Variants in CACNA1C observed in about 807,000 individuals in gnomAD.
CACNA1C encodes voltage-dependent L-type calcium channel subunit alpha-1C.
A neutral mutation model predicts 229.0 loss-of-function variants in CACNA1C; 30 were observed. The observed-to-expected ratio is 0.13, with a 90% CI of 0.10 to 0.18. CACNA1C has a LOEUF of 0.18. CACNA1C is among the 10% of genes least tolerant of loss of function. The pLI, the probability that CACNA1C is intolerant of heterozygous loss-of-function variation, is 1.00. For missense variants in CACNA1C, 1,658 were observed against 2,845.0 expected, an observed-to-expected ratio of 0.58 and a Z score of 9.49; for synonymous variants, 1,114 against 1,132.5, an observed-to-expected ratio of 0.98 and a Z score of 0.33.
chr12:2,263,686 A>G lies in CACNA1C; in HGVS notation c.477+143256A>G, dbSNP rs1353399193. ...AGAAGTACACCAGAAATGATCTGCTAACAGACCGGACATGAGGTATGAACA... is the reference window on the plus strand; with the variant it reads ...AGAAGTACACCAGAAATGATCTGCTGACAGACCGGACATGAGGTATGAACA... On this transcript the variant is annotated intron_variant, in intron 3 of 46. Transcript: ENST00000399655. 4.6e-5 allele frequency among the ~76,000 whole-genome samples: 7 copies of G among 152,040 alleles called. No homozygotes were observed. In the East Asian group the frequency reaches 1.2e-3, roughly 25 times the overall value.
chr12:2,064,224 G>C (rs1001987529), intron 1 of CACNA1C, among the ~76,000 whole-genome samples: 6 of 152,220 alleles, frequency 3.9e-5, no homozygotes, highest in African/African-American at 1.4e-4. Context: ...CCTCGTTGCT[G>C]ACCTGGCTTC....
At chr12:2,321,041 C>T (rs114176186) in intron 3 of CACNA1C, among the ~76,000 whole-genome samples, 5 of 152,334 alleles carry the variant, frequency 3.3e-5, no homozygotes, top group African/African-American at 1.2e-4. Flanking sequence ...CCTATAATCA[C>T]GTATTTACAG....
chr12:2,392,704 G>C lies in CACNA1C; in HGVS notation c.478-56272G>C, dbSNP rs2370514. The stretch of plus-strand genomic sequence containing the variant: ...TGCATACAGCGGGACCTGAACTTGG[G>C]CTGGAGGAATGTTGCTGATGCCCAG... On this transcript the variant is annotated intron_variant, in intron 3 of 46. Coordinates refer to ENST00000399655, the MANE Select transcript of CACNA1C (RefSeq NM_000719.7). Among the ~76,000 whole-genome samples the C allele has an allele frequency of 8.4e-3, 1,275 of 152,330 alleles. 35 individuals are homozygous for C. The highest frequency in any genetic ancestry group is 0.053 in the Admixed American group (812 of 15,302).
chr12:2,512,393 ACTACCACT>A lies in CACNA1C; in HGVS notation c.1218-417_1218-410del, dbSNP rs1218111770. On this transcript the variant is annotated intron_variant, in intron 8 of 46. Coordinates refer to ENST00000399655, the MANE Select transcript of CACNA1C (RefSeq NM_000719.7). The surrounding 1 kb of genome is among the most constrained non-coding windows in gnomAD (Gnocchi z 4.3). Reference sequence around the variant, plus strand: ...CTGGAGACCCTTGGGAGAATTTTAAACTACCACTCAATACTGGGTGGGATGGAAATGCA... The same window carrying A: ...CTGGAGACCCTTGGGAGAATTTTAAACAATACTGGGTGGGATGGAAATGCA... Among the ~76,000 whole-genome samples, 1 of 152,154 alleles carries A rather than the reference ACTACCACT, an allele frequency of 6.6e-6. No homozygotes were observed. The highest frequency in any genetic ancestry group is 1.5e-5 in the Non-Finnish European group (1 of 68,030).
At chr12:2,116,413 C>T (rs2083888175) in intron 2 of CACNA1C, among the ~76,000 whole-genome samples, 1 of 151,452 alleles carries the variant, frequency 6.6e-6, no homozygotes, top group Admixed American at 6.6e-5. Context: ...GCTCTGTCAC[C>T]CAGGCTGGAG....
rs1283009077 is a variant in CACNA1C at position 2,602,739 on chromosome 12, C to G, written c.2960+779C>G. ...TCTAAGAGCTTTCCAGGTGACTCCC[C>G]TGTACAGCCAAGCTTGCAGTCCTCG... On this transcript the variant is annotated intron_variant, in intron 22 of 46. Transcript: ENST00000399655. The surrounding 1 kb of genome is among the most constrained non-coding windows in gnomAD (Gnocchi z 4.4). 6.6e-6 allele frequency among the ~76,000 whole-genome samples: 1 copy of G among 151,766 alleles called. No individual in the cohort carries two copies. Among genetic ancestry groups the G allele is most frequent in the Non-Finnish European group, 1.5e-5 (1 of 67,994 alleles).
rs938040825 is a variant in CACNA1C at position 2,693,313 on chromosome 12, T to C, written c.*2114T>C. 6 of 152,216 alleles carry C rather than the reference T, an allele frequency of 3.9e-5. No individual in the cohort carries two copies. Among genetic ancestry groups the C allele is most frequent in the African/African-American group, 1.4e-4 (6 of 41,438 alleles). The allele number at this position is 152,216 out of a possible 1,614,324, so 9.4% of individuals were successfully genotyped here. On this transcript the variant is annotated 3_prime_UTR_variant, in exon 47 of 47. Coordinates refer to ENST00000399655, the MANE Select transcript of CACNA1C (RefSeq NM_000719.7). ...ACTGGGCCGTCATCCGCATCCCCCA[T>C]GGAAGAGGTAGCTGGCTTTCCCTTC...
rs2091156154 is a variant in CACNA1C at position 2,632,889 on chromosome 12, G to C, written c.3829-1408G>C. Among the ~76,000 whole-genome samples, 1 of 152,198 alleles carries C rather than the reference G, an allele frequency of 6.6e-6. No individual in the cohort carries two copies. The highest frequency in any genetic ancestry group is 2.4e-5 in the African/African-American group (1 of 41,442). ...AACACACTCCCGGAGTAGGAGCCCA[G>C]CCTTGCCTCTGTCTCCTTTCCCTTA... On this transcript the variant is annotated intron_variant, in intron 29 of 46. Transcript: ENST00000399655. The surrounding 1 kb of genome is among the most constrained non-coding windows in gnomAD (Gnocchi z 4.1).
At chr12:2,132,341 G>C (rs1596710114) in intron 3 of CACNA1C, among the ~76,000 whole-genome samples, 1 of 50,408 alleles carries the variant, frequency 2.0e-5, no homozygotes, top group Admixed American at 2.3e-4. Flanking sequence ...CCAACACTAT[G>C]TTGAATAGGA....
chr12:2,669,050 G>T lies in CACNA1C; in HGVS notation c.4726+15G>T, dbSNP rs770879323. 1 of 1,553,862 alleles carries T rather than the reference G, an allele frequency of 6.4e-7. No homozygotes were observed. Among genetic ancestry groups the T allele is most frequent in the Admixed American group, 1.7e-5 (1 of 59,956 alleles). ...CAAAACAGAAGGTAAGGTCGCCCGTGGGCACTGGGAGAGACACTCAGAAGG... is the reference window on the plus strand; with the variant it reads ...CAAAACAGAAGGTAAGGTCGCCCGTTGGCACTGGGAGAGACACTCAGAAGG... On this transcript the variant is annotated intron_variant, in intron 38 of 46. Transcript: ENST00000399655.
intron 15 of CACNA1C, 115 bp from the exon 16 acceptor site, chr12:2,584,388 C>T (rs1568579990): frequency 1.4e-6 from 1 of 695,422 alleles, no homozygotes; most frequent in African/African-American, 1.7e-5. Flanking sequence ...ATTGCTTCCC[C>T]CTCAAGCTCT....
At chr12:2,584,703 T>C in intron 16 of CACNA1C, 86 bp downstream of exon 16, 4 of 896,504 alleles carry the variant, frequency 4.5e-6, no homozygotes, top group Non-Finnish European at 7.1e-6. Flanking sequence ...GAGGCTTGAC[T>C]GCTAGCCTCT....
intron 34 of CACNA1C, 86 bp from the exon 35 acceptor site, chr12:2,664,738 GA>G: frequency 9.0e-7 from 1 of 1,109,742 alleles, no homozygotes; most frequent in Non-Finnish European, 1.2e-6. Context: ...GGGGAAGGAG[GA>G]AAGGGACAGG....
Position 2,665,791 on chromosome 12 carries a change from G to A in CACNA1C, c.4526+83G>A. 7.2e-7 allele frequency: 1 copy of A among 1,382,910 alleles called. No individual in the cohort carries two copies. The highest frequency in any genetic ancestry group is 9.8e-7 in the Non-Finnish European group (1 of 1,016,258). The allele number at this position is 1,382,910 out of a possible 1,614,324, so 85.7% of individuals were successfully genotyped here. ...TACCTGCAGGAGGGGCTCAAGGTTG[G>A]CCAACACTGGGTGGATCAATTAGAA... is the stretch of plus-strand genomic sequence containing the variant. On this transcript the variant is annotated intron_variant, in intron 36 of 46. Coordinates refer to ENST00000399655, the MANE Select transcript of CACNA1C (RefSeq NM_000719.7). The surrounding 1 kb of genome is among the most constrained non-coding windows in gnomAD (Gnocchi z 5.9).
intron 3 of CACNA1C, among the ~76,000 whole-genome samples, chr12:2,192,888 C>T (rs147042778): frequency 1.1e-4 from 17 of 152,286 alleles, no homozygotes; most frequent in African/African-American, 3.9e-4. Flanking sequence ...TGTGTTTTTC[C>T]GAGGAGGTGG....
At chr12:2,598,122 C>T (rs1485542626) in intron 21 of CACNA1C, among the ~76,000 whole-genome samples, 2 of 152,200 alleles carry the variant, frequency 1.3e-5, no homozygotes, top group African/African-American at 4.8e-5. Flanking sequence ...CCTCAGTCAC[C>T]TGCTGCAAAG....
upstream of CACNA1C, among the ~76,000 whole-genome samples, chr12:2,050,030 T>C (rs1307076735): frequency 1.3e-5 from 2 of 152,228 alleles, no homozygotes; most frequent in African/African-American, 4.8e-5. Context: ...GCTAGATTTA[T>C]ACAGTGCCTA....
chr12:2,044,215 G>A (rs1369321175), intron 1 of CACNA1C, among the ~76,000 whole-genome samples: 5 of 152,186 alleles, frequency 3.3e-5, no homozygotes, highest in Non-Finnish European at 7.3e-5. Flanking sequence ...TTTGACTGAA[G>A]GAAGACCTAT....
chr12:2,136,101 C>A (rs1284447972), intron 3 of CACNA1C, among the ~76,000 whole-genome samples: 1 of 151,298 alleles, frequency 6.6e-6, no homozygotes, highest in African/African-American at 2.4e-5. Flanking sequence ...TTCTTTGACT[C>A]GGAAAGGGAA....
Sources: allele counts gnomAD v4.1 joint callset (sites outside exome capture counted in the v4.1 genomes callset), GRCh38; gene constraint gnomAD v4.1.1; non-coding constraint Gnocchi (gnomAD v3.1); transcripts MANE v1.5; gene names NCBI Gene and HGNC (gene_info 2026-07-23, HGNC 2026-07-21).